Variants in FAM117B observed in about 807,000 individuals in gnomAD.
The protein encoded by FAM117B is protein FAM117B.
FAM117B carries 22 observed loss-of-function variants against 52.8 expected under a neutral mutation model. The ratio of observed to expected loss-of-function variants is 0.42; its 90% CI spans 0.30 to 0.59. The LOEUF (loss-of-function observed/expected upper bound fraction) is 0.59. Ranked by LOEUF, FAM117B falls within the 20% of genes least tolerant of loss-of-function variation. FAM117B has a pLI of 0.22. For synonymous variants in FAM117B, 309 were observed against 324.1 expected (o/e 0.95, Z 0.50); for missense variants, 678 against 802.6 (o/e 0.84, Z 1.88).
At position 202,690,705 on chromosome 2, in the gene FAM117B, G is replaced by A. The variant is rs565309780; in HGVS notation, c.602-5176G>A. On this transcript the variant is annotated intron_variant, in intron 1 of 7. Coordinates refer to ENST00000392238, the MANE Select transcript of FAM117B (RefSeq NM_173511.4). ...TGCAAGTCCATGGTCTTAGTGTAGG[G>A]ATCAAGGCAGTGCAGGCAAAAAAGT... Among the ~76,000 whole-genome samples the A allele has an allele frequency of 6.6e-5, 10 of 152,316 alleles. No individual in the cohort carries two copies. In the South Asian group the frequency reaches 1.9e-3, roughly 28 times the overall value.
chr2:202,659,398 C>T (rs1228617958), intron 1 of FAM117B, among the ~76,000 whole-genome samples: 2 of 151,924 alleles, frequency 1.3e-5, no homozygotes, highest in Non-Finnish European at 1.5e-5. Context: ...CAGCCTCTAC[C>T]TCCTGGGCTC....
intron 2 of FAM117B, among the ~76,000 whole-genome samples, chr2:202,714,406 G>T (rs994718034): frequency 2.6e-5 from 4 of 151,908 alleles, no homozygotes; most frequent in Non-Finnish European, 5.9e-5. Flanking sequence ...AAGTGGGGTG[G>T]TGAAGTCTCC....
chr2:202,674,344 G>C (rs760080530), intron 1 of FAM117B, among the ~76,000 whole-genome samples: 1 of 152,154 alleles, frequency 6.6e-6, no homozygotes, highest in Non-Finnish European at 1.5e-5. Flanking sequence ...TCTGGGCTCC[G>C]TACATATATG....
intron 4 of FAM117B, among the ~76,000 whole-genome samples, chr2:202,736,482 G>A (rs371910280): frequency 3.9e-5 from 6 of 152,180 alleles, no homozygotes; most frequent in African/African-American, 1.4e-4. Flanking sequence ...TTGGCTGGGC[G>A]CAGGGCAGTG....
At chr2:202,699,308 T>TC (rs1451524845) in intron 2 of FAM117B, among the ~76,000 whole-genome samples, 4 of 149,396 alleles carry the variant, frequency 2.7e-5, no homozygotes, top group Non-Finnish European at 5.9e-5. Flanking sequence ...GCACCTGTAG[T>TC]CCCAGCTACT....
intron 1 of FAM117B, among the ~76,000 whole-genome samples, chr2:202,691,925 A>G (rs1270980940): frequency 6.6e-6 from 1 of 152,352 alleles, no homozygotes; most frequent in Non-Finnish European, 1.5e-5. Flanking sequence ...GATAGGTAGC[A>G]TTTATAACAA....
chr2:202,657,686 G>A (rs1451858660), intron 1 of FAM117B, among the ~76,000 whole-genome samples: 1 of 151,892 alleles, frequency 6.6e-6, no homozygotes, highest in African/African-American at 2.4e-5. Flanking sequence ...GGGTTTCACT[G>A]TGTTGCCTAA....
intron 1 of FAM117B, among the ~76,000 whole-genome samples, chr2:202,685,842 T>C (rs1412156744): frequency 1.3e-5 from 2 of 152,150 alleles, no homozygotes; most frequent in African/African-American, 2.4e-5. Context: ...GAAGAAAACA[T>C]AGGAGCAAAT....
chr2:202,651,565 G>A lies in FAM117B; in HGVS notation c.601+15777G>A, dbSNP rs556942143. 7.3e-5 allele frequency among the ~76,000 whole-genome samples: 11 copies of A among 151,522 alleles called. No homozygotes were observed. The East Asian group carries it at 2.2e-3, about 30-fold the overall frequency. On this transcript the variant is annotated intron_variant, in intron 1 of 7. Transcript: ENST00000392238. ...TTTTTTGTATTTTTAGTAGAGACAG[G>A]GTTTCACCATGTTGGCCAGGCTGGT...
chr2:202,636,402 A>G (rs917627513), intron 1 of FAM117B, among the ~76,000 whole-genome samples: 3 of 152,196 alleles, frequency 2.0e-5, no homozygotes, highest in African/African-American at 7.2e-5. Flanking sequence ...GTTTTGTCTG[A>G]GGCTCTGGGT....
intron 1 of FAM117B, among the ~76,000 whole-genome samples, chr2:202,668,118 T>A (rs916902266): frequency 2.1e-5 from 3 of 144,276 alleles, no homozygotes; most frequent in Non-Finnish European, 4.5e-5. Flanking sequence ...AAAAATATTT[T>A]TATAAAATAT....
chr2:202,675,427 C>T (rs1690363175), intron 1 of FAM117B, among the ~76,000 whole-genome samples: 1 of 111,078 alleles, frequency 9.0e-6, no homozygotes, highest in African/African-American at 3.6e-5. Flanking sequence ...GCCTGGGCGA[C>T]AGAGTGAGAC....
At chr2:202,704,135 G>A (rs934229598) in intron 2 of FAM117B, among the ~76,000 whole-genome samples, 1 of 152,096 alleles carries the variant, frequency 6.6e-6, no homozygotes, top group Non-Finnish European at 1.5e-5. Flanking sequence ...ACATCTCTGT[G>A]CCTCTGTTTC....
At chr2:202,726,084 G>A (rs1358127982) in intron 3 of FAM117B, among the ~76,000 whole-genome samples, 166 bp from the exon 4 acceptor site, 1 of 152,176 alleles carries the variant, frequency 6.6e-6, no homozygotes, top group Non-Finnish European at 1.5e-5. Context: ...ATACATGCAT[G>A]TGTAGATGTG....
At chr2:202,705,206 T>G (rs1309523562) in intron 2 of FAM117B, among the ~76,000 whole-genome samples, 1 of 151,780 alleles carries the variant, frequency 6.6e-6, no homozygotes, top group Non-Finnish European at 1.5e-5. Context: ...CTCGGGAAGC[T>G]GAGGCAGGAG....
At chr2:202,732,776 G>A (rs914044926) in intron 4 of FAM117B, among the ~76,000 whole-genome samples, 3 of 151,588 alleles carry the variant, frequency 2.0e-5, no homozygotes, top group Non-Finnish European at 2.9e-5. Flanking sequence ...AGCTGAGATC[G>A]CACCACTGCA....
chr2:202,649,810 C>G (rs1299250748), intron 1 of FAM117B, among the ~76,000 whole-genome samples: 1 of 152,076 alleles, frequency 6.6e-6, no homozygotes, highest in Non-Finnish European at 1.5e-5. Flanking sequence ...CGTCAGCCTC[C>G]CAGAGTGCTG....
At chr2:202,733,703 G>A (rs947590508) in intron 4 of FAM117B, among the ~76,000 whole-genome samples, 4 of 152,098 alleles carry the variant, frequency 2.6e-5, no homozygotes, top group South Asian at 2.1e-4. Context: ...CCCTAAAATC[G>A]CTGTTATTCT....
intron 1 of FAM117B, among the ~76,000 whole-genome samples, chr2:202,641,559 C>T (rs915148317): frequency 2.0e-5 from 3 of 151,930 alleles, no homozygotes; most frequent in African/African-American, 7.3e-5. Context: ...ATGATACTTA[C>T]CGTAGATAAT....
Sources: allele counts gnomAD v4.1 joint callset (sites outside exome capture counted in the v4.1 genomes callset), GRCh38; gene constraint gnomAD v4.1.1; transcripts MANE v1.5; gene names NCBI Gene and HGNC (gene_info 2026-07-23, HGNC 2026-07-21).